CSMD1: variants seen among roughly 807,000 people sequenced by gnomAD.
CSMD1 encodes CUB and Sushi multiple domains 1.
Under a neutral mutation model 417.5 loss-of-function variants are expected in CSMD1, and 213 were observed. The ratio of observed to expected loss-of-function variants is 0.51; its 90% CI spans 0.46 to 0.57. The LOEUF (loss-of-function observed/expected upper bound fraction) is 0.57, where lower values mean the gene tolerates loss of function less well. CSMD1 is among the 20% of genes least tolerant of loss of function. The probability of loss-of-function intolerance (pLI) is 0.00; values close to 1 mark genes in which losing one functional copy is unlikely to be tolerated. For synonymous variants in CSMD1, 2,862 were observed against 1,736.8 expected, an observed-to-expected ratio of 1.65 and a Z score of -16.11; for missense variants, 6,923 against 4,529.7, an observed-to-expected ratio of 1.53 and a Z score of -15.17.
At chr8:3,973,566 C>G (rs1489787493) in intron 5 of CSMD1, among the ~76,000 whole-genome samples, 3 of 152,044 alleles carry the variant, frequency 2.0e-5, no homozygotes, top group African/African-American at 7.3e-5. Context: ...TCTTGTCATT[C>G]TAGAATTTTA....
At chr8:4,188,682 C>A (rs948455888) in intron 3 of CSMD1, among the ~76,000 whole-genome samples, 1 of 151,822 alleles carries the variant, frequency 6.6e-6, no homozygotes, top group African/African-American at 2.4e-5. Context: ...AGTCTTTTAA[C>A]CTTTATAAAA....
chr8:4,208,239 C>A (rs1422656365), intron 3 of CSMD1, among the ~76,000 whole-genome samples: 1 of 152,050 alleles, frequency 6.6e-6, no homozygotes, highest in African/African-American at 2.4e-5. Flanking sequence ...GTAACTGCTC[C>A]TGTTATAATT....
intron 52 of CSMD1, among the ~76,000 whole-genome samples, chr8:3,005,244 C>A (rs555503384): frequency 2.0e-5 from 3 of 152,272 alleles, no homozygotes; most frequent in Admixed American, 6.5e-5. Flanking sequence ...GGAATTTGAA[C>A]GTCTTTCCTG....
At chr8:4,357,399 A>T (rs910887063) in intron 3 of CSMD1, among the ~76,000 whole-genome samples, 8 of 152,198 alleles carry the variant, frequency 5.3e-5, no homozygotes, top group South Asian at 2.1e-4. Flanking sequence ...TTAAATATCA[A>T]ATATTTACTC....
At chr8:4,196,069 G>A (rs1409220054) in intron 3 of CSMD1, among the ~76,000 whole-genome samples, 1 of 152,060 alleles carries the variant, frequency 6.6e-6, no homozygotes, top group African/African-American at 2.4e-5. Context: ...AAATTAGCCG[G>A]GCGTGGTGAC....
chr8:3,852,713 C>T (rs543887168), intron 5 of CSMD1, among the ~76,000 whole-genome samples: 1 of 151,924 alleles, frequency 6.6e-6, no homozygotes, highest in Admixed American at 6.5e-5. Flanking sequence ...CTGTGAGGGA[C>T]GGGAGAGATG....
intron 12 of CSMD1, among the ~76,000 whole-genome samples, chr8:3,453,587 A>G (rs1486520928): frequency 1.3e-5 from 2 of 152,142 alleles, no homozygotes; most frequent in Non-Finnish European, 2.9e-5. Flanking sequence ...GTCATTGAGG[A>G]GCAGGTTGTT....
intron 23 of CSMD1, among the ~76,000 whole-genome samples, chr8:3,335,400 A>G (rs1384284992): frequency 1.3e-5 from 2 of 152,188 alleles, no homozygotes; most frequent in African/African-American, 4.8e-5. Context: ...AGGTTTGGCC[A>G]GGCATGGTGG....
At chr8:4,460,757 T>C (rs912192833) in intron 2 of CSMD1, among the ~76,000 whole-genome samples, 7 of 152,038 alleles carry the variant, frequency 4.6e-5, no homozygotes, top group African/African-American at 1.7e-4. Flanking sequence ...AACATCAGAA[T>C]AGACCTCAAG....
chr8:4,122,941 T>G (rs1282396870), intron 3 of CSMD1, among the ~76,000 whole-genome samples: 1 of 152,222 alleles, frequency 6.6e-6, no homozygotes, highest in East Asian at 1.9e-4. Context: ...AATTCTAGGC[T>G]ACTGCAAAGC....
At chr8:3,745,492 G>C (rs1460017341) in intron 6 of CSMD1, among the ~76,000 whole-genome samples, 2 of 152,202 alleles carry the variant, frequency 1.3e-5, no homozygotes, top group African/African-American at 4.8e-5. Context: ...ACCAGGTTCT[G>C]CACGTGTACA....
At chr8:4,200,992 A>G (rs1799612691) in intron 3 of CSMD1, among the ~76,000 whole-genome samples, 1 of 152,186 alleles carries the variant, frequency 6.6e-6, no homozygotes, top group Admixed American at 6.5e-5. Context: ...TTTTCTCCAC[A>G]GCGCCGTTCA....
chr8:3,852,071 G>A (rs576418713), intron 5 of CSMD1, among the ~76,000 whole-genome samples: 3 of 152,304 alleles, frequency 2.0e-5, no homozygotes, highest in Non-Finnish European at 4.4e-5. Context: ...CAGACTGGAG[G>A]AGATCTTTGC....
chr8:3,710,233 A>G (rs5003049), intron 6 of CSMD1, among the ~76,000 whole-genome samples: 50,048 of 151,828 alleles, frequency 0.33, 8,395 homozygotes, highest in East Asian at 0.49. Flanking sequence ...AACAGAGTCT[A>G]AAAATAAGTG....
At chr8:4,227,719 C>A (rs893934816) in intron 3 of CSMD1, among the ~76,000 whole-genome samples, 1 of 151,396 alleles carries the variant, frequency 6.6e-6, no homozygotes, top group Admixed American at 6.6e-5. Context: ...ACACCCTCCA[C>A]CCCACATTAA....
At chr8:3,502,015 G>A (rs1050145819) in intron 10 of CSMD1, among the ~76,000 whole-genome samples, 1 of 152,140 alleles carries the variant, frequency 6.6e-6, no homozygotes, top group Non-Finnish European at 1.5e-5. Context: ...TACTTTGGAA[G>A]CTTCTTACAT....
intron 20 of CSMD1, among the ~76,000 whole-genome samples, chr8:3,365,901 C>A (rs947476368): frequency 3.3e-5 from 5 of 152,170 alleles, no homozygotes; most frequent in Admixed American, 2.6e-4. Context: ...TAACATACAG[C>A]AGTAGAGCTG....
intron 2 of CSMD1, among the ~76,000 whole-genome samples, chr8:4,485,841 C>G (rs1801348586): frequency 6.6e-6 from 1 of 151,774 alleles, no homozygotes; most frequent in Admixed American, 6.6e-5. Flanking sequence ...CATATAAACG[C>G]AAATGTCAAA....
At chr8:4,500,427 C>G (rs1030813165) in intron 2 of CSMD1, among the ~76,000 whole-genome samples, 2 of 152,130 alleles carry the variant, frequency 1.3e-5, no homozygotes, top group Non-Finnish European at 2.9e-5. Context: ...TAGACAAAAA[C>G]TTGCGTAGAT....
Sources: gnomAD v4.1 joint callset for allele counts (sites outside exome capture counted in the v4.1 genomes callset) on GRCh38, gnomAD v4.1.1 for gene constraint, MANE v1.5 for transcripts, NCBI Gene and HGNC (gene_info 2026-07-23, HGNC 2026-07-21) for gene names.